RUNDC3B: variants seen among roughly 807,000 people sequenced by gnomAD.
RUNDC3B encodes the protein RUN domain-containing protein 3B.
Under a neutral mutation model 58.4 loss-of-function variants are expected in RUNDC3B, and 33 were observed. That is an observed-to-expected ratio of 0.56 (90% CI 0.43 to 0.75). The LOEUF is 0.75. Among genes scored for constraint, RUNDC3B ranks in the 30% least tolerant of loss-of-function variants. The pLI, the probability that RUNDC3B is intolerant of heterozygous loss-of-function variation, is 0.00. For synonymous variants in RUNDC3B, 193 were observed against 195.2 expected, an observed-to-expected ratio of 0.99 and a Z score of 0.10; for missense variants, 501 against 535.7, an observed-to-expected ratio of 0.94 and a Z score of 0.64.
At chr7:87,631,562 T>C (rs1258325381) in intron 1 of RUNDC3B, among the ~76,000 whole-genome samples, 1 of 152,118 alleles carries the variant, frequency 6.6e-6, no homozygotes, top group Admixed American at 6.5e-5. Flanking sequence ...GGCTAATTTT[T>C]TGTGTTTTGT....
At chr7:87,693,845 T>C (rs1454458589) in intron 2 of RUNDC3B, 3 of 1,541,150 alleles carry the variant, frequency 1.9e-6, no homozygotes, top group African/African-American at 2.7e-5. Flanking sequence ...AGTTTGGAAC[T>C]GTAAACATGA....
chr7:87,787,694 TA>T (rs1250495803), intron 8 of RUNDC3B, among the ~76,000 whole-genome samples: 1 of 152,166 alleles, frequency 6.6e-6, no homozygotes, highest in Non-Finnish European at 1.5e-5. Flanking sequence ...TTCATCTATA[TA>T]ACAGAGATAA....
At chr7:87,742,294 G>A (rs1369162302) in intron 6 of RUNDC3B, among the ~76,000 whole-genome samples, 3 of 152,014 alleles carry the variant, frequency 2.0e-5, no homozygotes, top group African/African-American at 7.2e-5. Flanking sequence ...GTGAGATTTT[G>A]GAACACCCAT....
chr7:87,816,467 T>C (rs1837043194), intron 10 of RUNDC3B, among the ~76,000 whole-genome samples: 1 of 152,116 alleles, frequency 6.6e-6, no homozygotes, highest in Non-Finnish European at 1.5e-5. Flanking sequence ...CTTGTCTTTG[T>C]TACCTTCATT....
At chr7:87,768,463 C>T (rs1037870326) in intron 6 of RUNDC3B, among the ~76,000 whole-genome samples, 1 of 152,234 alleles carries the variant, frequency 6.6e-6, no homozygotes, top group African/African-American at 2.4e-5. Context: ...TTCCCTGAAT[C>T]TGCACAACGA....
intron 10 of RUNDC3B, among the ~76,000 whole-genome samples, chr7:87,820,794 A>C (rs1837377248): frequency 6.6e-6 from 1 of 151,490 alleles, no homozygotes; most frequent in Non-Finnish European, 1.5e-5. Flanking sequence ...AAACCACATG[A>C]TTATCTCAAT....
intron 2 of RUNDC3B, among the ~76,000 whole-genome samples, chr7:87,654,849 G>T (rs1823929560): frequency 6.6e-6 from 1 of 151,986 alleles, no homozygotes; most frequent in Non-Finnish European, 1.5e-5. Context: ...GAACTCAATA[G>T]TAAGAAAATA....
intron 4 of RUNDC3B, among the ~76,000 whole-genome samples, chr7:87,726,434 C>A (rs1300073108): frequency 6.6e-6 from 1 of 152,130 alleles, no homozygotes; most frequent in Admixed American, 6.6e-5. Flanking sequence ...GGGCTCTGTT[C>A]TGTTCCATTG....
chr7:87,815,611 A>G (rs1039623265), intron 9 of RUNDC3B, among the ~76,000 whole-genome samples: 1 of 152,120 alleles, frequency 6.6e-6, no homozygotes, highest in Non-Finnish European at 1.5e-5. Flanking sequence ...ATATTAATAC[A>G]AACAGGTATT....
chr7:87,829,883 AG>A lies in RUNDC3B; in HGVS notation c.1226del. On this transcript the variant is annotated splice_acceptor_variant, in intron 10 of 10. Transcript: ENST00000394654. LOFTEE classifies it high-confidence loss of function. The stretch of plus-strand genomic sequence containing the variant: ...TATTTGCTATTTAATTCTAATTTTC[AG>A]GTAAGGAAGATACTCCCTCATTACT... 5.7e-6 allele frequency: 9 copies of A among 1,583,596 alleles called. No homozygotes were observed. Among genetic ancestry groups the A allele is most frequent in the Non-Finnish European group, 7.7e-6 (9 of 1,164,622 alleles).
chr7:87,821,352 C>G (rs1045900472), intron 10 of RUNDC3B, among the ~76,000 whole-genome samples: 4 of 152,150 alleles, frequency 2.6e-5, no homozygotes, highest in African/African-American at 7.2e-5. Flanking sequence ...AGGACCTTTT[C>G]AAGCAGAACT....
At position 87,768,494 on chromosome 7, in the gene RUNDC3B, G is replaced by T. The variant is rs1311397249; in HGVS notation, c.630-2087G>T. Among the ~76,000 whole-genome samples the T allele has an allele frequency of 6.6e-5, 10 of 152,360 alleles. No homozygotes were observed. The South Asian group carries it at 2.1e-3, about 32-fold the overall frequency. On this transcript the variant is annotated intron_variant, in intron 6 of 10. Coordinates refer to ENST00000394654, the MANE Select transcript of RUNDC3B (RefSeq NM_001134405.2). ...AACGAGTATCGCACCCACTGCTTCA[G>T]CTCAGGTTTGGGGGCAATGTGAGCC...
rs1831778225 is a variant in RUNDC3B, at chr7:87,734,150, G to A, written c.459-5641G>A. 2.6e-5 allele frequency among the ~76,000 whole-genome samples: 4 copies of A among 152,180 alleles called. No homozygotes were observed. The South Asian group carries it at 8.3e-4, about 31-fold the overall frequency. ...AAAGATCACTTAATAACAAATCTTG[G>A]TGAGGATTTTGAAAAACTGAATCTT... On this transcript the variant is annotated intron_variant, in intron 4 of 10. Transcript: ENST00000394654.
Position 87,646,867 on chromosome 7 carries a change from T to C in RUNDC3B, c.123-3955T>C, listed in dbSNP as rs368838246. The stretch of plus-strand genomic sequence containing the variant: ...CTATCCATTTACTATGCATTACATC[T>C]GGCATTTGTCTAACTTGACTATCCG... On this transcript the variant is annotated intron_variant, in intron 1 of 10. Transcript: ENST00000394654. Among the ~76,000 whole-genome samples, 7 of 152,336 alleles carry C rather than the reference T, an allele frequency of 4.6e-5. No individual in the cohort carries two copies. The East Asian group carries it at 9.6e-4, about 21-fold the overall frequency.
intron 6 of RUNDC3B, among the ~76,000 whole-genome samples, chr7:87,750,209 T>C (rs1468653906): frequency 7.2e-5 from 11 of 152,244 alleles, no homozygotes; most frequent in South Asian, 2.1e-4. Context: ...GACATGAACT[T>C]ATCATTTTTT....
At chr7:87,688,354 G>C (rs1827678340) in intron 2 of RUNDC3B, among the ~76,000 whole-genome samples, 1 of 151,240 alleles carries the variant, frequency 6.6e-6, no homozygotes, top group Non-Finnish European at 1.5e-5. Flanking sequence ...AAAACAGAGA[G>C]CTACACATTT....
At chr7:87,684,431 C>T (rs546406138) in intron 2 of RUNDC3B, among the ~76,000 whole-genome samples, 1 of 152,202 alleles carries the variant, frequency 6.6e-6, no homozygotes, top group South Asian at 2.1e-4. Context: ...TTAAGACTTA[C>T]TGTTAAGATG....
At chr7:87,669,235 C>T (rs1274580728) in intron 2 of RUNDC3B, among the ~76,000 whole-genome samples, 5 of 151,938 alleles carry the variant, frequency 3.3e-5, no homozygotes, top group African/African-American at 9.7e-5. Flanking sequence ...AAGTAATGCC[C>T]TCTTTGTCTT....
intron 9 of RUNDC3B, among the ~76,000 whole-genome samples, chr7:87,815,451 G>A (rs1271053193): frequency 9.2e-5 from 14 of 152,104 alleles, no homozygotes; most frequent in Non-Finnish European, 2.1e-4. Context: ...TTATCCTGAA[G>A]AACCAAATAT....
Sources: allele counts gnomAD v4.1 joint callset (sites outside exome capture counted in the v4.1 genomes callset), GRCh38; gene constraint gnomAD v4.1.1; transcripts MANE v1.5; gene names NCBI Gene and HGNC (gene_info 2026-07-23, HGNC 2026-07-21).